Variants in MUCL1 observed in about 807,000 individuals in gnomAD.
MUCL1 encodes mucin-like protein 1.
A neutral mutation model predicts 9.2 loss-of-function variants in MUCL1; 11 were observed. The observed-to-expected ratio is 1.19, with a 90% confidence interval of 0.75 to 1.97. The LOEUF (loss-of-function observed/expected upper bound fraction) is 1.97. MUCL1 is among the 30% of genes most tolerant of loss of function. The pLI is 0.00. For synonymous variants in MUCL1, 48 were observed against 40.5 expected (o/e 1.19, Z -0.71); for missense variants, 144 against 110.9 (o/e 1.30, Z -1.34).
intron 1 of MUCL1, among the ~76,000 whole-genome samples, chr12:54,832,333 T>A (rs1320331199): frequency 2.0e-5 from 3 of 152,128 alleles, no homozygotes; most frequent in Non-Finnish European, 4.4e-5. Context: ...TTGCTCTTAA[T>A]AAGAGATTGT....
chr12:54,841,732 A>G (rs1959213022), intron 1 of MUCL1, among the ~76,000 whole-genome samples: 2 of 152,158 alleles, frequency 1.3e-5, no homozygotes, highest in Admixed American at 6.5e-5. Context: ...TTAACCCTTT[A>G]TCAGATATCT....
At chr12:54,836,486 G>A (rs903837443), upstream of MUCL1, among the ~76,000 whole-genome samples, 1 of 151,938 alleles carries the variant, frequency 6.6e-6, no homozygotes, top group African/African-American at 2.4e-5. Context: ...TCTTTTCTTG[G>A]TTAATCTAGC....
chr12:54,855,878 C>T (rs1168316235), intron 2 of MUCL1, among the ~76,000 whole-genome samples: 1 of 152,160 alleles, frequency 6.6e-6, no homozygotes, highest in Admixed American at 6.6e-5. Context: ...TATATTTTTC[C>T]TGCCATGTGA....
chr12:54,849,676 A>G (rs909444813), upstream of MUCL1, among the ~76,000 whole-genome samples: 1 of 152,028 alleles, frequency 6.6e-6, no homozygotes, highest in Non-Finnish European at 1.5e-5. Flanking sequence ...TATTAGAAAG[A>G]TCTCAGTTTA....
chr12:54,854,503 G>C, upstream of MUCL1: 1 of 1,097,530 alleles, frequency 9.1e-7, no homozygotes, highest in Non-Finnish European at 1.4e-6. Context: ...TCAGGATGTG[G>C]AATCCTGAAG....
At chr12:54,839,437 G>T in exon 1 of MUCL1, 1 of 702,036 alleles carries the variant, frequency 1.4e-6, no homozygotes, top group South Asian at 1.5e-5. Flanking sequence ...AACTGGCAGT[G>T]ACTAAAGCAG....
intron 1 of MUCL1, among the ~76,000 whole-genome samples, chr12:54,833,394 G>A (rs1959187935): frequency 6.6e-6 from 1 of 151,986 alleles, no homozygotes; most frequent in Admixed American, 6.6e-5. Flanking sequence ...TATCTTTACA[G>A]TTATATACAC....
At chr12:54,832,035 T>G (rs1320868648) in intron 1 of MUCL1, among the ~76,000 whole-genome samples, 1 of 152,088 alleles carries the variant, frequency 6.6e-6, no homozygotes, top group Non-Finnish European at 1.5e-5. Context: ...GTATGAAGGA[T>G]GTGTTTTTGT....
chr12:54,845,365 C>T (rs113690193), intron 1 of MUCL1, among the ~76,000 whole-genome samples: 458 of 152,152 alleles, frequency 3.0e-3, no homozygotes, highest in Middle Eastern at 0.01. Flanking sequence ...TTTGTCTCCC[C>T]GAGCTGTGGT....
chr12:54,837,733 C>T (rs1445893624), upstream of MUCL1, among the ~76,000 whole-genome samples: 1 of 152,166 alleles, frequency 6.6e-6, no homozygotes, highest in East Asian at 1.9e-4. Context: ...CATGCCACTG[C>T]ACTCCAGCCT....
intron 1 of MUCL1, 77 bp downstream of exon 1, chr12:54,854,717 T>C: frequency 7.3e-7 from 1 of 1,361,546 alleles, no homozygotes; most frequent in African/African-American, 1.4e-5. Context: ...TGTGGGCTTA[T>C]GGTTGCTTAG....
At chr12:54,852,131 T>G (rs1868254620), upstream of MUCL1, among the ~76,000 whole-genome samples, 4 of 152,152 alleles carry the variant, frequency 2.6e-5, no homozygotes, top group African/African-American at 9.7e-5. Context: ...ACCAATGACT[T>G]TCTTCACAGA....
At chr12:54,842,432 AT>A (rs1482824447) in intron 1 of MUCL1, among the ~76,000 whole-genome samples, 1 of 152,108 alleles carries the variant, frequency 6.6e-6, no homozygotes, top group Non-Finnish European at 1.5e-5. Flanking sequence ...ATGTTTTGAA[AT>A]TTATACTGGG....
intron 1 of MUCL1, among the ~76,000 whole-genome samples, chr12:54,842,544 T>G (rs1347360889): frequency 1.3e-5 from 2 of 152,174 alleles, no homozygotes; most frequent in Admixed American, 1.3e-4. Context: ...TTTCTGTGCC[T>G]GGTTCATCCA....
chr12:54,838,326 G>A (rs780192940), upstream of MUCL1, among the ~76,000 whole-genome samples: 4 of 152,080 alleles, frequency 2.6e-5, no homozygotes, highest in Admixed American at 6.5e-5. Context: ...TTCCTTTATG[G>A]GTTATCTGAT....
At chr12:54,833,621 C>A (rs796550541) in intron 1 of MUCL1, among the ~76,000 whole-genome samples, 58 of 152,166 alleles carry the variant, frequency 3.8e-4, no homozygotes, top group African/African-American at 1.3e-3. Context: ...AATTTATACA[C>A]CATGGAATAC....
chr12:54,833,982 C>T (rs775602101), intron 1 of MUCL1, among the ~76,000 whole-genome samples: 31 of 151,938 alleles, frequency 2.0e-4, no homozygotes, highest in Non-Finnish European at 3.8e-4. Flanking sequence ...AAAAAAAAGT[C>T]TACTTAACAG....
At chr12:54,858,130 A>G in intron 3 of MUCL1, 63 bp from the exon 4 acceptor site, 1 of 1,600,414 alleles carries the variant, frequency 6.2e-7, no homozygotes, top group Non-Finnish European at 8.6e-7. Flanking sequence ...CAGATTCTGA[A>G]GAATAAATCC....
intron 1 of MUCL1, among the ~76,000 whole-genome samples, chr12:54,842,581 C>T (rs189428451): frequency 6.6e-6 from 1 of 152,216 alleles, no homozygotes; most frequent in East Asian, 1.9e-4. Context: ...CAAATACGTA[C>T]ATTGTTATAG....
Sources: allele counts gnomAD v4.1 joint callset (sites outside exome capture counted in the v4.1 genomes callset), GRCh38; gene constraint gnomAD v4.1.1; transcripts MANE v1.5; gene names NCBI Gene and HGNC (gene_info 2026-07-23, HGNC 2026-07-21).